SLC14A2: variants seen among roughly 807,000 people sequenced by gnomAD.
SLC14A2 encodes urea transporter 2.
SLC14A2 carries 91 observed loss-of-function variants against 104.6 expected under a neutral mutation model. The ratio of observed to expected loss-of-function variants is 0.87; its 90% confidence interval spans 0.73 to 1.04. The LOEUF (loss-of-function observed/expected upper bound fraction) is 1.04, where lower values mean the gene tolerates loss of function less well. SLC14A2 is among the 50% of genes least tolerant of loss of function. The pLI is 0.00. For missense variants in SLC14A2, 1,189 were observed against 1,156.0 expected (o/e 1.03, Z -0.41); for synonymous variants, 476 against 466.4 (o/e 1.02, Z -0.27).
chr18:45,427,602 A>G (rs947553453), intron 1 of SLC14A2, among the ~76,000 whole-genome samples: 4 of 152,128 alleles, frequency 2.6e-5, no homozygotes, highest in Non-Finnish European at 4.4e-5. Flanking sequence ...TCACTGATCA[A>G]TGTGTGACCA....
Position 45,366,142 on chromosome 18 carries a change from G to A in SLC14A2, c.-124-117091G>A, listed in dbSNP as rs117911450. ...CAGAGTGTGCCCTGGAGCAGAAAAC[G>A]CAACACAGCTGCCTCCCTGGTCAGG... On this transcript the variant is annotated intron_variant, in intron 1 of 20. Transcript: ENST00000586448. Among the ~76,000 whole-genome samples the A allele has an allele frequency of 2.3e-3, 354 of 152,060 alleles. 1 individual carries two copies. The highest frequency in any genetic ancestry group is 6.8e-3 in the Middle Eastern group (2 of 294).
chr18:45,445,012 A>G (rs1161129052), intron 1 of SLC14A2, among the ~76,000 whole-genome samples: 1 of 152,144 alleles, frequency 6.6e-6, no homozygotes, highest in Non-Finnish European at 1.5e-5. Context: ...AGTGAATGGA[A>G]CTATGAAGGA....
intron 1 of SLC14A2, among the ~76,000 whole-genome samples, chr18:45,357,946 A>G (rs963397191): frequency 6.6e-6 from 1 of 152,240 alleles, no homozygotes; most frequent in Non-Finnish European, 1.5e-5. Flanking sequence ...ATCAGCACAG[A>G]TGAGCTGGCA....
At chr18:45,302,448 T>C (rs530641196) in intron 1 of SLC14A2, among the ~76,000 whole-genome samples, 1 of 152,330 alleles carries the variant, frequency 6.6e-6, no homozygotes, top group African/African-American at 2.4e-5. Context: ...AAAATAACTT[T>C]GTCCAAATTC....
At chr18:45,414,757 A>AAAAAATATATATATATAT (rs1360051908) in intron 1 of SLC14A2, among the ~76,000 whole-genome samples, 4 of 76,106 alleles carry the variant, frequency 5.3e-5, no homozygotes, top group African/African-American at 3.1e-4. Flanking sequence ...AAAAAAAAAA[A>AAAAAATATATATATATAT]ATATATATAT....
intron 2 of SLC14A2, among the ~76,000 whole-genome samples, chr18:45,484,138 CTG>C (rs1480102307): frequency 6.6e-6 from 1 of 152,200 alleles, no homozygotes; most frequent in African/African-American, 2.4e-5. Context: ...TGCCAATTGT[CTG>C]TGTTTTCTCC....
At chr18:45,316,597 T>A (rs978342136) in intron 1 of SLC14A2, among the ~76,000 whole-genome samples, 4 of 152,214 alleles carry the variant, frequency 2.6e-5, no homozygotes, top group South Asian at 2.1e-4. Context: ...AGACTTCTCA[T>A]GATGCGTGGA....
Position 45,592,537 on chromosome 18 carries a change from C to A in SLC14A2, c.-34-32094C>A, listed in dbSNP as rs537522379. 3.3e-5 allele frequency among the ~76,000 whole-genome samples: 5 copies of A among 152,348 alleles called. No homozygotes were observed. In the South Asian group the frequency reaches 1.0e-3, roughly 32 times the overall value. On this transcript the variant is annotated intron_variant, in intron 2 of 20. Transcript: ENST00000586448. ...TTCCCATAGTGGCCAAGCATGCTGC[C>A]TGAGACTCAAGACTAGAAGGCAGTG...
At chr18:45,663,728 C>T (rs936425035) in intron 10 of SLC14A2, 57 bp from the exon 11 acceptor site, 20 of 1,573,572 alleles carry the variant, frequency 1.3e-5, no homozygotes, top group Non-Finnish European at 1.7e-5. Flanking sequence ...CTCTGCTTGG[C>T]TCTCTCAGGT....
At chr18:45,381,353 A>G (rs1337979380) in intron 1 of SLC14A2, among the ~76,000 whole-genome samples, 1 of 152,238 alleles carries the variant, frequency 6.6e-6, no homozygotes, top group Non-Finnish European at 1.5e-5. Context: ...AAACAAACAT[A>G]TCTTTGACCA....
At chr18:45,562,794 T>TG (rs915914793) in intron 2 of SLC14A2, among the ~76,000 whole-genome samples, 2 of 149,238 alleles carry the variant, frequency 1.3e-5, no homozygotes, top group African/African-American at 4.9e-5. Context: ...AAATTCTCCC[T>TG]GGGGGGAAGG....
chr18:45,606,966 C>T (rs1262049511), intron 2 of SLC14A2, among the ~76,000 whole-genome samples: 1 of 152,100 alleles, frequency 6.6e-6, no homozygotes, highest in African/African-American at 2.4e-5. Flanking sequence ...TCATGTATTT[C>T]CCATCCTCAA....
chr18:45,577,792 G>C (rs971037088), intron 2 of SLC14A2, among the ~76,000 whole-genome samples: 2 of 152,156 alleles, frequency 1.3e-5, no homozygotes, highest in Admixed American at 6.5e-5. Flanking sequence ...TCAACTCCAT[G>C]AATAATATAA....
intron 1 of SLC14A2, chr18:45,435,181 T>A (rs1357096527): frequency 6.6e-6 from 1 of 152,160 alleles, no homozygotes; most frequent in Non-Finnish European, 1.5e-5. Context: ...TCCCAGAAGA[T>A]GATACAATAA....
At chr18:45,223,807 C>T (rs1323391638) in intron 1 of SLC14A2, among the ~76,000 whole-genome samples, 1 of 152,196 alleles carries the variant, frequency 6.6e-6, no homozygotes, top group Non-Finnish European at 1.5e-5. Flanking sequence ...AACCCAGAGA[C>T]CTTCAAGGCT....
At chr18:45,526,479 A>G (rs1419889079) in intron 2 of SLC14A2, among the ~76,000 whole-genome samples, 1 of 152,216 alleles carries the variant, frequency 6.6e-6, no homozygotes, top group Non-Finnish European at 1.5e-5. Context: ...TATGGAAGAA[A>G]GAATCACAGG....
At chr18:45,212,124 G>A (rs1321278148), upstream of SLC14A2, among the ~76,000 whole-genome samples, 1 of 152,110 alleles carries the variant, frequency 6.6e-6, no homozygotes, top group Admixed American at 6.5e-5. Context: ...AGGGAAAAGT[G>A]GAATGCCATA....
chr18:45,626,241 TTTA>T (rs1472938954), intron 3 of SLC14A2, among the ~76,000 whole-genome samples: 2 of 152,228 alleles, frequency 1.3e-5, no homozygotes, highest in Non-Finnish European at 2.9e-5. Context: ...TGCACAGCCA[TTTA>T]TTATGTGCCT....
At chr18:45,509,783 GT>G (rs1390029480) in intron 2 of SLC14A2, among the ~76,000 whole-genome samples, 1 of 152,210 alleles carries the variant, frequency 6.6e-6, no homozygotes, top group African/African-American at 2.4e-5. Context: ...GATGAACTTT[GT>G]TTGTAGAGAT....
Sources: gnomAD v4.1 joint callset for allele counts (sites outside exome capture counted in the v4.1 genomes callset) on GRCh38, gnomAD v4.1.1 for gene constraint, MANE v1.5 for transcripts, NCBI Gene and HGNC (gene_info 2026-07-23, HGNC 2026-07-21) for gene names.